The following DDX4 variants were observed in gnomAD, a reference collection of about 807,000 sequenced individuals.
The protein encoded by DDX4 is probable ATP-dependent RNA helicase DDX4.
In DDX4, 25 loss-of-function variants were observed where a neutral mutation model predicts 100.0. The ratio of observed to expected loss-of-function variants is 0.25; its 90% CI spans 0.18 to 0.35. The LOEUF is 0.35. DDX4 is among the 10% of genes least tolerant of loss of function. The pLI is 1.00. For missense variants in DDX4, 635 were observed against 882.4 expected (o/e 0.72, Z 3.55); for synonymous variants, 259 against 275.7 (o/e 0.94, Z 0.60).
At position 55,798,415 on chromosome 5, in the gene DDX4, T is replaced by G; in HGVS notation, c.1470-11T>G. 1 of 1,608,144 alleles carries G rather than the reference T, an allele frequency of 6.2e-7. No individual in the cohort carries two copies. Among genetic ancestry groups the G allele is most frequent in the Non-Finnish European group, 8.5e-7 (1 of 1,177,642 alleles). On this transcript the variant is annotated splice_polypyrimidine_tract_variant and intron_variant, in intron 17 of 21. Transcript: ENST00000505374. ...GAGGATAAGTTAAAGAATAATCTTTTGTTTTTCAAGGTTGGCTGCAGAGTT... is the reference window on the plus strand; with the variant it reads ...GAGGATAAGTTAAAGAATAATCTTTGGTTTTTCAAGGTTGGCTGCAGAGTT...
At chr5:55,753,575 C>T (rs1329700686) in intron 3 of DDX4, among the ~76,000 whole-genome samples, 4 of 151,934 alleles carry the variant, frequency 2.6e-5, no homozygotes, top group African/African-American at 9.7e-5. Context: ...GTTACTGTGG[C>T]CTTGTAGTAT....
In DDX4 at chr5:55,796,811, T is replaced by C. The variant is rs576271489; in HGVS notation, c.1470-1615T>C. ...AAACTTGAAGACTTTTCTTTTCTTT[T>C]TTTCTTTCTTTCTTTTTTTTTTTTT... On this transcript the variant is annotated intron_variant, in intron 17 of 21. Transcript: ENST00000505374. 1.2e-3 allele frequency among the ~76,000 whole-genome samples: 176 copies of C among 145,280 alleles called. 1 individual carries two copies. The South Asian group carries it at 0.013, about 11-fold the overall frequency.
In DDX4 at chr5:55,747,335, G is replaced by A. The variant is rs549948784; in HGVS notation, c.127+1114G>A. On this transcript the variant is annotated intron_variant, in intron 3 of 21. Coordinates refer to ENST00000505374, the MANE Select transcript of DDX4 (RefSeq NM_024415.3). ...GGAGGTTGCAGTAAGTCGAGATTAC[G>A]CCACTGTACTCCAGCCTGGAGATGG... Among the ~76,000 whole-genome samples the A allele has an allele frequency of 6.6e-5, 10 of 152,240 alleles. No individual in the cohort carries two copies. In the East Asian group the frequency reaches 1.9e-3, roughly 29 times the overall value.
chr5:55,757,523 C>T (rs979646800), intron 3 of DDX4, among the ~76,000 whole-genome samples: 3 of 152,084 alleles, frequency 2.0e-5, no homozygotes, highest in Non-Finnish European at 2.9e-5. Context: ...GGGCTGGTTC[C>T]ATATTTTTGA....
chr5:55,815,586 T>C (rs1420367566), intron 21 of DDX4, among the ~76,000 whole-genome samples, 163 bp downstream of exon 21: 1 of 152,154 alleles, frequency 6.6e-6, no homozygotes, highest in Non-Finnish European at 1.5e-5. Flanking sequence ...TATATACATA[T>C]TTTTGGTTTT....
In DDX4 at chr5:55,739,034, TA is replaced by T; in HGVS notation, c.69+4del. On this transcript the variant is annotated splice_donor_region_variant and intron_variant, in intron 2 of 21. Transcript: ENST00000505374. ...TCCTATGTTCCCATATTTGAGAAGGTAATAACATTTAAAGTTTAGTTATTAA... is the reference window on the plus strand; with the variant it reads ...TCCTATGTTCCCATATTTGAGAAGGTATAACATTTAAAGTTTAGTTATTAA... 6.5e-7 allele frequency: 1 copy of T among 1,543,664 alleles called. No individual in the cohort carries two copies. The highest frequency in any genetic ancestry group is 8.9e-7 in the Non-Finnish European group (1 of 1,120,340).
At chr5:55,759,987 C>G (rs1466659676) in intron 3 of DDX4, among the ~76,000 whole-genome samples, 1 of 150,510 alleles carries the variant, frequency 6.6e-6, no homozygotes, top group East Asian at 1.9e-4. Flanking sequence ...ATTTCTAGTT[C>G]TTTATGAATC....
chr5:55,801,948 C>T (rs1347225698), intron 18 of DDX4, among the ~76,000 whole-genome samples: 2 of 152,182 alleles, frequency 1.3e-5, no homozygotes, highest in Non-Finnish European at 2.9e-5. Flanking sequence ...CCTGTCCTGT[C>T]AGGAAGTGTA....
At position 55,766,312 on chromosome 5, in the gene DDX4, T is replaced by G. The variant is rs1196498406; in HGVS notation, c.335-1569T>G. On this transcript the variant is annotated intron_variant, in intron 6 of 21. Coordinates refer to ENST00000505374, the MANE Select transcript of DDX4 (RefSeq NM_024415.3). The stretch of plus-strand genomic sequence containing the variant: ...GTTTTTCATGTACCCATCACCCAAC[T>G]TCTCTTAATGTTTTCTATTTTTATT... Among the ~76,000 whole-genome samples, 6 of 152,248 alleles carry G rather than the reference T, an allele frequency of 3.9e-5. No individual in the cohort carries two copies. The South Asian group carries it at 1.2e-3, about 32-fold the overall frequency.
intron 3 of DDX4, among the ~76,000 whole-genome samples, chr5:55,756,031 G>A (rs1276976733): frequency 2.6e-5 from 4 of 152,134 alleles, no homozygotes; most frequent in Non-Finnish European, 5.9e-5. Flanking sequence ...GTTTTCTCCA[G>A]GTTGTTAGAA....
chr5:55,774,127 T>C (rs1741416364), intron 7 of DDX4, among the ~76,000 whole-genome samples: 1 of 151,826 alleles, frequency 6.6e-6, no homozygotes, highest in African/African-American at 2.4e-5. Context: ...TGCAAATGTT[T>C]ATTTTTTTTT....
intron 18 of DDX4, among the ~76,000 whole-genome samples, chr5:55,811,435 G>A (rs1229823656): frequency 6.6e-6 from 1 of 151,960 alleles, no homozygotes; most frequent in African/African-American, 2.4e-5. Context: ...ATTTTAATAT[G>A]CAAATATTGT....
chr5:55,760,129 GA>G (rs1441968321), intron 3 of DDX4, 70 bp from the exon 4 acceptor site: 1 of 1,489,474 alleles, frequency 6.7e-7, no homozygotes, highest in African/African-American at 1.5e-5. Flanking sequence ...ATGTGGCACA[GA>G]AGGCTTAAGG....
At chr5:55,796,468 C>T (rs771695359) in intron 17 of DDX4, among the ~76,000 whole-genome samples, 14 of 152,232 alleles carry the variant, frequency 9.2e-5, no homozygotes, top group Non-Finnish European at 1.8e-4. Context: ...TCTAGTGTCA[C>T]TTCTGCATTA....
chr5:55,807,889 C>G (rs1351293104), intron 18 of DDX4, among the ~76,000 whole-genome samples: 1 of 152,232 alleles, frequency 6.6e-6, no homozygotes, highest in Non-Finnish European at 1.5e-5. Context: ...TTGAAGTTCT[C>G]ATGGATAATA....
At chr5:55,746,320 T>C (rs1759246971) in intron 3 of DDX4, 99 bp downstream of exon 3, 1 of 1,056,078 alleles carries the variant, frequency 9.5e-7, no homozygotes, top group African/African-American at 1.6e-5. Context: ...AGAGGGTGTT[T>C]TAAAAAATTT....
At chr5:55,761,541 A>AT (rs11404529) in intron 4 of DDX4, among the ~76,000 whole-genome samples, 61,030 of 151,754 alleles carry the variant, frequency 0.4, 13,645 homozygotes, top group African/African-American at 0.58. Flanking sequence ...TACCTGGGAC[A>AT]TTGTAGACCC....
chr5:55,803,978 C>T (rs559990832), intron 18 of DDX4, among the ~76,000 whole-genome samples: 2 of 151,676 alleles, frequency 1.3e-5, no homozygotes, highest in African/African-American at 2.4e-5. Context: ...TCCTCTCCAG[C>T]ACCTGTTGTT....
chr5:55,802,143 A>G (rs549792051), intron 18 of DDX4, among the ~76,000 whole-genome samples: 1 of 152,346 alleles, frequency 6.6e-6, no homozygotes, highest in Admixed American at 6.5e-5. Context: ...TTAGTTGGAC[A>G]GGTAACTTGT....
Sources: gnomAD v4.1 joint callset for allele counts (sites outside exome capture counted in the v4.1 genomes callset) on GRCh38, gnomAD v4.1.1 for gene constraint, MANE v1.5 for transcripts, NCBI Gene and HGNC (gene_info 2026-07-23, HGNC 2026-07-21) for gene names.